Variants in KCMF1 observed in about 807,000 individuals in gnomAD.
The protein encoded by KCMF1 is E3 ubiquitin-protein ligase KCMF1.
KCMF1 carries 3 observed loss-of-function variants against 41.1 expected under a neutral mutation model. The ratio of observed to expected loss-of-function variants is 0.07; its 90% confidence interval spans 0.03 to 0.19. The LOEUF (loss-of-function observed/expected upper bound fraction) is 0.19. Among genes scored for constraint, KCMF1 ranks in the 10% least tolerant of loss-of-function variants. The probability of loss-of-function intolerance (pLI) is 1.00; values close to 1 mark genes in which losing one functional copy is unlikely to be tolerated. For synonymous variants in KCMF1, 142 were observed against 164.5 expected, an observed-to-expected ratio of 0.86 and a Z score of 1.04; for missense variants, 286 against 488.9, an observed-to-expected ratio of 0.58 and a Z score of 3.91.
intron 1 of KCMF1, among the ~76,000 whole-genome samples, chr2:84,974,693 T>A (rs865848187): frequency 4.1e-3 from 100 of 24,670 alleles, no homozygotes; most frequent in East Asian, 5.5e-3. Context: ...ATATATATAT[T>A]TTTTTTTTTT....
rs750865056 is a variant in KCMF1, at chr2:85,053,363, T to A, written c.1100T>A (p.Leu367Ter). 6.2e-7 allele frequency: 1 copy of A among 1,613,440 alleles called. No homozygotes were observed. Among genetic ancestry groups the A allele is most frequent in the Non-Finnish European group, 8.5e-7 (1 of 1,179,652 alleles). ...PLDVALENLN[L>*]KESNKGNEPP... ...GATGTTGCTTTAGAAAACCTAAATT[T>A]AAAAGAGAGTAATAAAGGAAATGAG... Residue 367 changes from leucine to a stop codon, truncating the protein, a stop_gained, in exon 7 of 7, where the codon TTA becomes TAA. Transcript: ENST00000409785. LOFTEE classifies it high-confidence loss of function.
intron 1 of KCMF1, among the ~76,000 whole-genome samples, chr2:85,022,731 G>A (rs1005612548): frequency 1.3e-5 from 2 of 152,200 alleles, no homozygotes; most frequent in South Asian, 2.1e-4. Flanking sequence ...TTCAAGATCC[G>A]TAAAAGCTTC....
intron 1 of KCMF1, among the ~76,000 whole-genome samples, chr2:84,977,029 T>TC (rs1279431917): frequency 4.0e-5 from 6 of 151,512 alleles, no homozygotes; most frequent in African/African-American, 1.2e-4. Flanking sequence ...TTTATAATTA[T>TC]TTTTTTTTAC....
intron 1 of KCMF1, among the ~76,000 whole-genome samples, chr2:84,977,169 G>A (rs984218296): frequency 6.6e-6 from 1 of 151,998 alleles, no homozygotes; most frequent in South Asian, 2.1e-4. Flanking sequence ...GTGAGCCATT[G>A]CTCCTAGCCT....
intron 1 of KCMF1, among the ~76,000 whole-genome samples, chr2:84,998,592 T>TTTATTTATTTAC (rs1553378172): frequency 2.6e-5 from 4 of 151,278 alleles, no homozygotes; most frequent in East Asian, 3.9e-4. Flanking sequence ...TATTTATTTA[T>TTTATTTATTTAC]TTACTTACTT....
intron 1 of KCMF1, among the ~76,000 whole-genome samples, chr2:85,017,230 G>A (rs1480694690): frequency 6.6e-6 from 1 of 151,454 alleles, no homozygotes; most frequent in Admixed American, 6.6e-5. Context: ...GTTTCACCTT[G>A]TTAGCCAGGA....
At chr2:84,974,311 G>A (rs1673476021) in intron 1 of KCMF1, among the ~76,000 whole-genome samples, 1 of 152,082 alleles carries the variant, frequency 6.6e-6, no homozygotes, top group Non-Finnish European at 1.5e-5. Context: ...CCTTATGTGT[G>A]CAGGTAATAT....
At chr2:85,003,676 A>G (rs1029072985) in intron 1 of KCMF1, among the ~76,000 whole-genome samples, 1 of 151,664 alleles carries the variant, frequency 6.6e-6, no homozygotes, top group Non-Finnish European at 1.5e-5. Flanking sequence ...TGGATCTCAA[A>G]CTCCTGGGCT....
intron 2 of KCMF1, among the ~76,000 whole-genome samples, chr2:85,028,871 A>T (rs1558581142): frequency 6.6e-6 from 1 of 152,200 alleles, no homozygotes; most frequent in South Asian, 2.1e-4. Context: ...AAATATACAC[A>T]ACTGACAAGG....
intron 2 of KCMF1, among the ~76,000 whole-genome samples, chr2:85,028,483 CTTTTTTTTTTTT>C (rs398042498): frequency 6.4e-5 from 3 of 47,236 alleles, no homozygotes; most frequent in African/African-American, 9.8e-5. Context: ...CTGTGCCTGG[CTTTTTTTTTTTT>C]TTTTTTTTTT....
intron 1 of KCMF1, among the ~76,000 whole-genome samples, chr2:85,025,657 G>A (rs1675085247): frequency 6.6e-6 from 1 of 152,124 alleles, no homozygotes; most frequent in Non-Finnish European, 1.5e-5. Flanking sequence ...CACCCAGGCT[G>A]GAGTGCAGTG....
At chr2:85,029,590 C>T (rs564814848) in intron 2 of KCMF1, among the ~76,000 whole-genome samples, 26 of 145,562 alleles carry the variant, frequency 1.8e-4, no homozygotes, top group Middle Eastern at 3.6e-3. Context: ...CAAAGCAAGA[C>T]GCTATCTCAA....
intron 1 of KCMF1, among the ~76,000 whole-genome samples, chr2:84,974,091 G>A (rs752368934): frequency 1.3e-4 from 20 of 152,092 alleles, no homozygotes; most frequent in Non-Finnish European, 2.9e-4. Flanking sequence ...GCCTCCCAAA[G>A]TGCTGGGATT....
chr2:85,008,277 A>G (rs75008393), intron 1 of KCMF1, among the ~76,000 whole-genome samples: 1 of 91,386 alleles, frequency 1.1e-5, no homozygotes, highest in Non-Finnish European at 2.1e-5. Flanking sequence ...TATAATATAT[A>G]ATATGATATA....
intron 3 of KCMF1, 62 bp from the exon 4 acceptor site, chr2:85,043,502 C>A: frequency 1.1e-6 from 1 of 919,318 alleles, no homozygotes; most frequent in East Asian, 2.5e-5. Context: ...GCAGAATACT[C>A]GTCCAGAAAG....
At chr2:85,032,963 G>C (rs545191288) in intron 2 of KCMF1, among the ~76,000 whole-genome samples, 38 of 152,272 alleles carry the variant, frequency 2.5e-4, no homozygotes, top group African/African-American at 8.9e-4. Flanking sequence ...AATAGGAGTG[G>C]CAAGAGTGGA....
chr2:85,030,714 T>G (rs1045939105), intron 2 of KCMF1, among the ~76,000 whole-genome samples: 2 of 152,188 alleles, frequency 1.3e-5, no homozygotes, highest in African/African-American at 4.8e-5. Flanking sequence ...TTGTTTGTTT[T>G]TTGACACAGA....
At chr2:85,026,664 T>A (rs1327068946) in intron 1 of KCMF1, among the ~76,000 whole-genome samples, 1 of 148,982 alleles carries the variant, frequency 6.7e-6, no homozygotes, top group African/African-American at 2.5e-5. Context: ...AATTTTTAAA[T>A]TTTTTTGTAG....
At chr2:85,000,866 A>G (rs1311425834) in intron 1 of KCMF1, among the ~76,000 whole-genome samples, 1 of 143,636 alleles carries the variant, frequency 7.0e-6, no homozygotes, top group Non-Finnish European at 1.5e-5. Flanking sequence ...GCAGCTTTGC[A>G]CTCCTGGGCT....
Sources: gnomAD v4.1 joint callset for allele counts (sites outside exome capture counted in the v4.1 genomes callset) on GRCh38, gnomAD v4.1.1 for gene constraint, MANE v1.5 for transcripts, NCBI Gene and HGNC (gene_info 2026-07-23, HGNC 2026-07-21) for gene names.